Variants in SYTL5 observed in about 807,000 individuals in gnomAD.
SYTL5 encodes the protein synaptotagmin like 5.
In SYTL5, 34 loss-of-function variants were observed where a neutral mutation model predicts 55.9. The observed-to-expected ratio is 0.61, with a 90% CI of 0.46 to 0.81. The LOEUF is 0.81. Among genes scored for constraint, SYTL5 ranks in the 30% least tolerant of loss-of-function variants. The pLI, the probability that SYTL5 is intolerant of heterozygous loss-of-function variation, is 0.00. For missense variants in SYTL5, 637 were observed against 546.7 expected, an observed-to-expected ratio of 1.17 and a Z score of -1.65; for synonymous variants, 221 against 188.7, an observed-to-expected ratio of 1.17 and a Z score of -1.40.
the SYTL5 span, among the ~76,000 whole-genome samples, chrX:37,968,532 C>G: frequency 9.0e-6 from 1 of 111,264 alleles, no homozygotes; most frequent in Non-Finnish European, 1.9e-5. Flanking sequence ...AAAAGGGCCC[C>G]CTTAACCCCC....
chrX:37,990,754 G>C, the SYTL5 span: 12 of 1,108,104 alleles, frequency 1.1e-5, no homozygotes, highest in Non-Finnish European at 1.4e-5. Flanking sequence ...GGATACAATA[G>C]GCAGGACTAA....
chrX:37,965,286 TTTTA>T, the SYTL5 span, among the ~76,000 whole-genome samples: 1 of 111,665 alleles, frequency 9.0e-6, no homozygotes. Context: ...GTCTCAAGAT[TTTTA>T]TTTTATTTTT....
the SYTL5 span, among the ~76,000 whole-genome samples, chrX:37,937,308 C>T: frequency 0.016 from 1,747 of 110,866 alleles, 41 homozygotes; most frequent in African/African-American, 0.054. Flanking sequence ...CAACTGCTGG[C>T]AGAAGAAGAG....
the SYTL5 span, among the ~76,000 whole-genome samples, chrX:37,899,062 A>C: frequency 2.7e-5 from 3 of 112,316 alleles, no homozygotes; most frequent in African/African-American, 9.7e-5. Flanking sequence ...TACTTGAGAC[A>C]ACGTAGAATT....
chrX:38,111,367 G>A (rs1401758085), intron 13 of SYTL5, among the ~76,000 whole-genome samples: 1 of 111,587 alleles, frequency 9.0e-6, no homozygotes, highest in African/African-American at 3.3e-5. Flanking sequence ...AACATTCTAC[G>A]CATGGCCGTC....
the SYTL5 span, among the ~76,000 whole-genome samples, chrX:37,915,377 A>T: frequency 6.3e-5 from 7 of 111,633 alleles, no homozygotes; most frequent in Admixed American, 6.7e-4. Context: ...GAAGTCGGTG[A>T]CCTCCTTATC....
chrX:38,102,408 C>T lies in SYTL5; in HGVS notation c.1129C>T (p.His377Tyr), dbSNP rs1937107810. Residue 377 changes from histidine to tyrosine, a missense_variant, in exon 10 of 17, where the codon CAC (histidine) becomes TAC (tyrosine). Physicochemically the swap from His to Tyr is moderately conservative, Grantham distance 83. Transcript: ENST00000297875. ...GTCCTCGCAGTTATCTACAAACACT[C>T]ACCGTCTGGCAAGTGGCCTATCAAC... The part of the protein sequence containing the change: ...LVSSQLSTNT[H>Y]RLASGLSTTS... 1 of 1,205,660 alleles carries T rather than the reference C, an allele frequency of 8.3e-7. No homozygotes were observed. Among genetic ancestry groups the T allele is most frequent in the South Asian group, 1.8e-5 (1 of 56,743 alleles).
chrX:37,970,410 C>G, the SYTL5 span, among the ~76,000 whole-genome samples: 8 of 95,677 alleles, frequency 8.4e-5, no homozygotes, highest in Non-Finnish European at 1.3e-4. Flanking sequence ...CTTTACATCT[C>G]TTATTTTCTG....
At chrX:37,957,016 A>G in the SYTL5 span, among the ~76,000 whole-genome samples, 2 of 111,508 alleles carry the variant, frequency 1.8e-5, no homozygotes, top group South Asian at 3.8e-4. Context: ...TGTGGTTTTG[A>G]TTTACATTTC....
intron 2 of SYTL5, among the ~76,000 whole-genome samples, chrX:38,050,356 G>A (rs1212255420): frequency 9.0e-6 from 1 of 111,539 alleles, no homozygotes; most frequent in Non-Finnish European, 1.9e-5. Flanking sequence ...TTTAATACAT[G>A]GAACATTTTT....
intron 10 of SYTL5, among the ~76,000 whole-genome samples, chrX:38,106,179 C>G (rs115544288): frequency 3.3e-3 from 366 of 111,878 alleles, no homozygotes; most frequent in African/African-American, 0.011. Context: ...GATAAGCTAC[C>G]CTTTGTCCCA....
intron 3 of SYTL5, among the ~76,000 whole-genome samples, chrX:38,060,291 T>C (rs1329460077): frequency 8.9e-6 from 1 of 111,987 alleles, no homozygotes; most frequent in Non-Finnish European, 1.9e-5. Flanking sequence ...TAATGAGAAA[T>C]TAACTTTTAA....
chrX:37,911,267 C>T, the SYTL5 span, among the ~76,000 whole-genome samples: 15 of 110,985 alleles, frequency 1.4e-4, no homozygotes, highest in Non-Finnish European at 1.5e-4. Context: ...CTACTGTGCC[C>T]GGCCAGCATT....
At chrX:37,984,171 C>CA in the SYTL5 span, among the ~76,000 whole-genome samples, 3 of 110,126 alleles carry the variant, frequency 2.7e-5, no homozygotes, top group African/African-American at 9.9e-5. Flanking sequence ...ATAGTGAATT[C>CA]AAAAAAATAG....
In SYTL5 at chrX:38,090,339, A is replaced by C. The variant is rs778817081; in HGVS notation, c.831+752A>C. On this transcript the variant is annotated intron_variant, in intron 7 of 16. Transcript: ENST00000297875. ...TTCTTTTCTATACATCTGTTAACAT[A>C]GGGGTCAACACATAATGAAGGCTTA... 4.5e-5 allele frequency among the ~76,000 whole-genome samples: 5 copies of C among 111,849 alleles called. No individual in the cohort carries two copies. In the South Asian group the frequency reaches 1.9e-3, roughly 42 times the overall value.
intron 1 of SYTL5, among the ~76,000 whole-genome samples, chrX:38,022,450 A>G (rs898696793): frequency 1.6e-4 from 18 of 112,163 alleles, no homozygotes; most frequent in African/African-American, 5.8e-4. Context: ...TTTCTTCTGG[A>G]GCCTGCAGGA....
chrX:38,036,509 T>C (rs1935111848), intron 2 of SYTL5, among the ~76,000 whole-genome samples: 2 of 111,722 alleles, frequency 1.8e-5, no homozygotes, highest in African/African-American at 6.5e-5. Context: ...AAAGGCTGTT[T>C]ATAAATCCAA....
At chrX:38,123,570 C>A (rs1937595565) in intron 15 of SYTL5, among the ~76,000 whole-genome samples, 1 of 111,820 alleles carries the variant, frequency 8.9e-6, no homozygotes. Context: ...GAAATGCTTT[C>A]TTTGGATACT....
intron 13 of SYTL5, among the ~76,000 whole-genome samples, chrX:38,112,862 G>A (rs1295769421): frequency 8.9e-6 from 1 of 112,060 alleles, no homozygotes; most frequent in Non-Finnish European, 1.9e-5. Context: ...CAGCCTTGGA[G>A]ACTTGACGTT....
Sources: gnomAD v4.1 joint callset for allele counts (sites outside exome capture counted in the v4.1 genomes callset) on GRCh38, gnomAD v4.1.1 for gene constraint, MANE v1.5 for transcripts, NCBI Gene and HGNC (gene_info 2026-07-23, HGNC 2026-07-21) for gene names.